The following FGF13 variants were observed in gnomAD, a reference collection of about 807,000 sequenced individuals.
FGF13 encodes fibroblast growth factor homologous factor 2.
In FGF13, 2 loss-of-function variants were observed where a neutral mutation model predicts 19.5. The observed-to-expected ratio is 0.10, with a 90% CI of 0.04 to 0.32. The LOEUF (loss-of-function observed/expected upper bound fraction) is 0.32. FGF13 is among the 10% of genes least tolerant of loss of function. FGF13 has a pLI of 1.00. For missense variants in FGF13, 113 were observed against 192.7 expected (o/e 0.59, Z 2.45); for synonymous variants, 72 against 76.9 (o/e 0.94, Z 0.33).
intron 3 of FGF13, among the ~76,000 whole-genome samples, chrX:138,695,299 T>C (rs1297374328): frequency 1.8e-5 from 2 of 111,499 alleles, no homozygotes; most frequent in Non-Finnish European, 3.8e-5. Flanking sequence ...TCTAATGTCA[T>C]AAAACACAAA....
intron 1 of FGF13, among the ~76,000 whole-genome samples, chrX:139,180,242 G>C (rs925824077): frequency 4.5e-5 from 5 of 111,950 alleles, no homozygotes; most frequent in Non-Finnish European, 9.4e-5. Context: ...ACTCTTCCAA[G>C]CTGCTCACCA....
intron 3 of FGF13, among the ~76,000 whole-genome samples, chrX:138,778,339 G>A (rs1300177916): frequency 9.0e-6 from 1 of 111,063 alleles, no homozygotes; most frequent in African/African-American, 3.3e-5. Context: ...GAACAGCTCC[G>A]GTCTACAGCT....
intron 1 of FGF13, among the ~76,000 whole-genome samples, chrX:139,183,204 T>C (rs554763299): frequency 1.2e-4 from 14 of 112,198 alleles, no homozygotes; most frequent in African/African-American, 2.9e-4. Context: ...AAGTATCACA[T>C]GTCCAAATTT....
chrX:139,004,889 C>T (rs1476333606), intron 1 of FGF13, among the ~76,000 whole-genome samples: 1 of 112,215 alleles, frequency 8.9e-6, no homozygotes, highest in Non-Finnish European at 1.9e-5. Flanking sequence ...TGAGTGCCAG[C>T]TCAGCTGCAG....
intron 1 of FGF13, among the ~76,000 whole-genome samples, chrX:139,075,313 C>G (rs1193956494): frequency 8.9e-6 from 1 of 111,900 alleles, no homozygotes; most frequent in Admixed American, 9.5e-5. Context: ...AGGCACTACC[C>G]GATCCCACTG....
intron 1 of FGF13, among the ~76,000 whole-genome samples, chrX:138,980,841 C>CA (rs751753787): frequency 2.7e-5 from 3 of 109,641 alleles, no homozygotes; most frequent in Admixed American, 9.7e-5. Flanking sequence ...AGTTTACAGA[C>CA]AAAAAAATGA....
intron 1 of FGF13, among the ~76,000 whole-genome samples, chrX:138,932,590 C>A (rs5929950): frequency 9.2e-6 from 1 of 108,156 alleles, no homozygotes; most frequent in Non-Finnish European, 1.9e-5. Flanking sequence ...CGACAGAGAC[C>A]GGAGAGGGAC....
rs903259327 is a variant in FGF13 at position 138,711,678 on chromosome X, G to A, written c.-675C>T. 9.9e-4 allele frequency: 742 copies of A among 753,142 alleles called. No homozygotes were observed. The highest frequency in any genetic ancestry group is 1.1e-3 in the Non-Finnish European group (720 of 638,825). The allele number at this position is 753,142 out of a possible 1,213,427, so 62.1% of individuals were successfully genotyped here. ...CTGGGCGCGGCACAGTCGCAGCACA[G>A]GAATTCAGCCGCCGCAGGCACCCTC... On this transcript the variant is annotated 5_prime_UTR_variant, in exon 1 of 5. Transcript: ENST00000315930.
At chrX:138,909,067 C>A (rs1245288623) in intron 1 of FGF13, among the ~76,000 whole-genome samples, 3 of 112,118 alleles carry the variant, frequency 2.7e-5, no homozygotes, top group African/African-American at 9.7e-5. Context: ...GCTGCTTAGA[C>A]ATGCTAAATG....
intron 3 of FGF13, among the ~76,000 whole-genome samples, chrX:138,657,442 C>T (rs190801287): frequency 8.9e-6 from 1 of 112,029 alleles, no homozygotes; most frequent in Non-Finnish European, 1.9e-5. Flanking sequence ...TAGACACAAG[C>T]ATTTAAATAT....
chrX:138,973,511 T>C (rs757859048), intron 1 of FGF13, among the ~76,000 whole-genome samples: 26 of 112,283 alleles, frequency 2.3e-4, no homozygotes, highest in Non-Finnish European at 3.6e-4. Flanking sequence ...GTTAGGTCCA[T>C]TTAATCTGGA....
intron 1 of FGF13, among the ~76,000 whole-genome samples, chrX:138,973,579 G>A (rs2091928328): frequency 1.8e-5 from 2 of 111,641 alleles, no homozygotes; most frequent in Admixed American, 1.9e-4. Context: ...TCTATCCATC[G>A]CTGAAAGTGA....
intron 1 of FGF13, among the ~76,000 whole-genome samples, chrX:138,931,038 T>C (rs2124258477): frequency 8.9e-6 from 1 of 112,858 alleles, no homozygotes; most frequent in South Asian, 3.6e-4. Context: ...TTATGAATTA[T>C]AATACATTAA....
chrX:139,108,633 C>G (rs765441482), intron 1 of FGF13, among the ~76,000 whole-genome samples: 3 of 110,847 alleles, frequency 2.7e-5, no homozygotes, highest in Non-Finnish European at 5.7e-5. Flanking sequence ...AGTTCTCATT[C>G]TGTGTTGTAT....
chrX:138,665,661 A>C (rs1214812974), intron 3 of FGF13, among the ~76,000 whole-genome samples: 2 of 111,283 alleles, frequency 1.8e-5, no homozygotes, highest in Non-Finnish European at 3.8e-5. Flanking sequence ...TTTGCAGTAG[A>C]TTATATTTCA....
intron 1 of FGF13, among the ~76,000 whole-genome samples, chrX:139,003,449 C>T (rs1569440057): frequency 1.8e-5 from 2 of 111,854 alleles, no homozygotes. Context: ...GGGACCCGAA[C>T]GTGTTGCCAA....
chrX:139,178,189 C>T lies in FGF13; in HGVS notation c.-113+25227G>A, dbSNP rs73572141. ...TTGCCAGCCACCTCATTAGATAGTT[C>T]TGAAGAGCAAGCAATAAGATCAATG... On this transcript the variant is annotated intron_variant, in intron 1 of 2. Transcript: ENST00000421460. 9.7e-3 allele frequency among the ~76,000 whole-genome samples: 1,091 copies of T among 112,210 alleles called. 12 individuals are homozygous for T. Among genetic ancestry groups the T allele is most frequent in the African/African-American group, 0.033 (1,022 of 30,834 alleles).
chrX:139,062,102 C>T (rs890603578), intron 1 of FGF13, among the ~76,000 whole-genome samples: 4 of 111,215 alleles, frequency 3.6e-5, no homozygotes, highest in African/African-American at 6.5e-5. Context: ...CTTTTGCTGT[C>T]TGTTCTTTTT....
At chrX:139,090,272 T>C (rs1198725343) in intron 1 of FGF13, among the ~76,000 whole-genome samples, 1 of 111,695 alleles carries the variant, frequency 9.0e-6, no homozygotes, top group African/African-American at 3.3e-5. Flanking sequence ...CTGACATCAC[T>C]AGTCACACAC....
Sources: gnomAD v4.1 joint callset for allele counts (sites outside exome capture counted in the v4.1 genomes callset) on GRCh38, gnomAD v4.1.1 for gene constraint, MANE v1.5 for transcripts, NCBI Gene and HGNC (gene_info 2026-07-23, HGNC 2026-07-21) for gene names.